SORCS3: variants seen among roughly 807,000 people sequenced by gnomAD.
SORCS3 encodes VPS10 domain-containing receptor SorCS3.
Under a neutral mutation model 146.3 loss-of-function variants are expected in SORCS3, and 57 were observed. The observed-to-expected ratio is 0.39, with a 90% CI of 0.31 to 0.49. SORCS3 has a LOEUF of 0.49. Among genes scored for constraint, SORCS3 ranks in the 20% least tolerant of loss-of-function variants. SORCS3 has a pLI of 0.92. For missense variants in SORCS3, 1,341 were observed against 1,575.5 expected (o/e 0.85, Z 2.52); for synonymous variants, 653 against 618.5 (o/e 1.06, Z -0.83).
At chr10:105,246,786 AT>A (rs1400043339) in intron 21 of SORCS3, among the ~76,000 whole-genome samples, 4 of 152,342 alleles carry the variant, frequency 2.6e-5, no homozygotes, top group Admixed American at 2.0e-4. Flanking sequence ...GTTTAAACCT[AT>A]TTTCTAATCC....
chr10:105,241,810 G>C (rs952074327), intron 20 of SORCS3, among the ~76,000 whole-genome samples: 8 of 152,132 alleles, frequency 5.3e-5, no homozygotes, highest in Non-Finnish European at 1.0e-4. Context: ...TGGGGATTGT[G>C]TGCTGACTGG....
At chr10:105,072,200 T>G (rs1007973573) in intron 5 of SORCS3, among the ~76,000 whole-genome samples, 2 of 152,140 alleles carry the variant, frequency 1.3e-5, no homozygotes, top group African/African-American at 4.8e-5. Flanking sequence ...TATAAGCGGG[T>G]CCCTGTGGGC....
In SORCS3 at chr10:105,217,010, C is replaced by T; in HGVS notation, c.2622C>T (p.Pro874=). ...CTGTGTCCTACGCAAACTTCAGCCC[C>T]ATCGAGGACGGCATCAAGCACGTGT... The part of the protein sequence containing the change: ...GIAVSYANFS[P]IEDGIKHVYK... Residue 874 remains proline, a synonymous_variant, in exon 19 of 27, where the codon CCC becomes CCT. Transcript: ENST00000369701. 2 of 1,614,162 alleles carry T rather than the reference C, an allele frequency of 1.2e-6. No homozygotes were observed. The highest frequency in any genetic ancestry group is 1.7e-6 in the Non-Finnish European group (2 of 1,180,012).
intron 4 of SORCS3, among the ~76,000 whole-genome samples, chr10:105,006,467 C>T (rs2055096073): frequency 6.6e-6 from 1 of 152,146 alleles, no homozygotes; most frequent in Non-Finnish European, 1.5e-5. Flanking sequence ...AATCCACATA[C>T]CATCTACTCT....
chr10:104,844,956 C>T (rs1564696718), intron 2 of SORCS3, among the ~76,000 whole-genome samples: 2 of 152,232 alleles, frequency 1.3e-5, no homozygotes, highest in Non-Finnish European at 2.9e-5. Flanking sequence ...CAGTCCACTT[C>T]ACTAAGTCTG....
chr10:104,725,694 C>T (rs966740114), intron 1 of SORCS3, among the ~76,000 whole-genome samples: 1 of 152,240 alleles, frequency 6.6e-6, no homozygotes, highest in Non-Finnish European at 1.5e-5. Flanking sequence ...CCTCCCCCAG[C>T]CTCACTGCCA....
chr10:105,243,200 G>T (rs1309130944), intron 20 of SORCS3, among the ~76,000 whole-genome samples: 1 of 151,146 alleles, frequency 6.6e-6, no homozygotes, highest in Non-Finnish European at 1.5e-5. Context: ...CTGACCAATA[G>T]AAACTAGAAA....
At chr10:105,252,708 G>T in intron 22 of SORCS3, 67 bp from the exon 23 acceptor site, 13 of 1,604,300 alleles carry the variant, frequency 8.1e-6, no homozygotes, top group Non-Finnish European at 1.1e-5. Flanking sequence ...TGCACACTCT[G>T]CTCTTGTCAT....
intron 23 of SORCS3, among the ~76,000 whole-genome samples, chr10:105,254,048 G>C (rs117733092): frequency 1.3e-5 from 2 of 152,120 alleles, no homozygotes; most frequent in African/African-American, 4.8e-5. Flanking sequence ...AGCCTAAGTC[G>C]GCCTCAGCTT....
At chr10:105,210,428 A>G (rs189385322) in intron 16 of SORCS3, among the ~76,000 whole-genome samples, 142 of 152,266 alleles carry the variant, frequency 9.3e-4, no homozygotes, top group African/African-American at 3.4e-3. Flanking sequence ...TTGTTCTTCT[A>G]CTTTGACATT....
intron 1 of SORCS3, among the ~76,000 whole-genome samples, chr10:104,648,926 G>T (rs1480375676): frequency 6.6e-6 from 1 of 152,232 alleles, no homozygotes; most frequent in East Asian, 1.9e-4. Context: ...CAGCAGAGTG[G>T]GGCCAGCAGG....
At chr10:105,205,037 C>T (rs1280830761) in intron 16 of SORCS3, among the ~76,000 whole-genome samples, 1 of 152,156 alleles carries the variant, frequency 6.6e-6, no homozygotes, top group African/African-American at 2.4e-5. Context: ...ATACCCAGTA[C>T]AGTTAGTACC....
At chr10:104,856,735 A>G (rs2018338422) in intron 2 of SORCS3, among the ~76,000 whole-genome samples, 1 of 145,622 alleles carries the variant, frequency 6.9e-6, no homozygotes, top group Non-Finnish European at 1.5e-5. Flanking sequence ...ATCTCTCTCT[A>G]TAGATCTCTA....
chr10:104,701,993 G>C (rs897616122), intron 1 of SORCS3, among the ~76,000 whole-genome samples: 1 of 152,114 alleles, frequency 6.6e-6, no homozygotes, highest in Non-Finnish European at 1.5e-5. Flanking sequence ...GTGGGCCACC[G>C]GGTGAGCTAC....
intron 7 of SORCS3, among the ~76,000 whole-genome samples, chr10:105,132,777 C>T (rs931336809): frequency 2.0e-5 from 3 of 152,110 alleles, no homozygotes; most frequent in Non-Finnish European, 4.4e-5. Flanking sequence ...ACGAACCAGT[C>T]ATTAGTAAGG....
At chr10:104,642,328 C>T (rs541493838) in intron 1 of SORCS3, among the ~76,000 whole-genome samples, 1 of 152,056 alleles carries the variant, frequency 6.6e-6, no homozygotes, top group Non-Finnish European at 1.5e-5. Flanking sequence ...TGACTTGGGG[C>T]GGGAGCCGCT....
At chr10:104,992,201 C>T (rs548526666) in intron 4 of SORCS3, among the ~76,000 whole-genome samples, 2 of 152,090 alleles carry the variant, frequency 1.3e-5, no homozygotes, top group Non-Finnish European at 2.9e-5. Flanking sequence ...TGTGAGAGGC[C>T]CTGAGCCTGG....
At chr10:104,750,870 C>CA (rs1377814996) in intron 1 of SORCS3, among the ~76,000 whole-genome samples, 2 of 152,150 alleles carry the variant, frequency 1.3e-5, no homozygotes, top group Non-Finnish European at 2.9e-5. Flanking sequence ...AAAAAACTCA[C>CA]AAAGCCTTAA....
At chr10:104,822,934 C>T (rs2017891802) in intron 1 of SORCS3, among the ~76,000 whole-genome samples, 2 of 152,080 alleles carry the variant, frequency 1.3e-5, no homozygotes, top group South Asian at 4.2e-4. Flanking sequence ...CTGCCATGGC[C>T]CTGTTATCTG....
Sources: gnomAD v4.1 joint callset for allele counts (sites outside exome capture counted in the v4.1 genomes callset) on GRCh38, gnomAD v4.1.1 for gene constraint, MANE v1.5 for transcripts, NCBI Gene and HGNC (gene_info 2026-07-23, HGNC 2026-07-21) for gene names.